MTSS1: variants seen among roughly 807,000 people sequenced by gnomAD.
The protein encoded by MTSS1 is protein MTSS 1.
MTSS1 carries 18 observed loss-of-function variants against 79.0 expected under a neutral mutation model. That is an observed-to-expected ratio of 0.23 (90% CI 0.16 to 0.34). The LOEUF is 0.34. Among genes scored for constraint, MTSS1 ranks in the 10% least tolerant of loss-of-function variants. The pLI is 1.00. For missense variants in MTSS1, 815 were observed against 986.2 expected (o/e 0.83, Z 2.33); for synonymous variants, 341 against 368.6 (o/e 0.93, Z 0.86).
At position 124,565,665 on chromosome 8, in the gene MTSS1, C is replaced by T. The variant is rs1239762171; in HGVS notation, c.821G>A (p.Cys274Tyr). Residue 274 changes from cysteine (C) to tyrosine (Y), a missense_variant, in exon 9 of 14, where the codon TGC becomes TAC. By Grantham distance (194) the Cys-to-Tyr change is radical. Coordinates refer to ENST00000518547, the MANE Select transcript of MTSS1 (RefSeq NM_014751.6). ...AGTGGACCCCGGCTTCACTCACCTG[C>T]AGACACTGGACTTTCTGGACATGGT... is the stretch of plus-strand genomic sequence containing the variant. ...STTMSRKSSV[C>Y]SSLNSVNSSD... The T allele has an allele frequency of 1.2e-6, 2 of 1,613,646 alleles. No homozygotes were observed. Among genetic ancestry groups the T allele is most frequent in the Admixed American group, 1.7e-5 (1 of 60,028 alleles).
At chr8:124,622,116 GC>G (rs1813678403) in intron 3 of MTSS1, among the ~76,000 whole-genome samples, 1 of 151,738 alleles carries the variant, frequency 6.6e-6, no homozygotes, top group African/African-American at 2.4e-5. Context: ...ATATTTTTCA[GC>G]CTTAAAAAAG....
chr8:124,607,771 C>T (rs1269307775), intron 3 of MTSS1, among the ~76,000 whole-genome samples: 7 of 152,282 alleles, frequency 4.6e-5, no homozygotes, highest in Admixed American at 3.3e-4. Context: ...CTCTTTACTG[C>T]TCAGGCTAAC....
intron 3 of MTSS1, among the ~76,000 whole-genome samples, chr8:124,616,815 G>A (rs961417177): frequency 6.6e-6 from 1 of 152,190 alleles, no homozygotes; most frequent in Non-Finnish European, 1.5e-5. Context: ...TGAGACTGAC[G>A]TGCTACCTAC....
At chr8:124,579,123 C>A (rs1829554688) in intron 6 of MTSS1, among the ~76,000 whole-genome samples, 1 of 152,104 alleles carries the variant, frequency 6.6e-6, no homozygotes, top group South Asian at 2.1e-4. Context: ...TATACAGTTT[C>A]TTTATTCATT....
intron 3 of MTSS1, among the ~76,000 whole-genome samples, chr8:124,647,374 T>C (rs1217228528): frequency 2.6e-5 from 4 of 152,230 alleles, no homozygotes; most frequent in African/African-American, 9.6e-5. Flanking sequence ...ATTAAAATTG[T>C]TATGTGTTAA....
intron 6 of MTSS1, among the ~76,000 whole-genome samples, chr8:124,574,998 T>G (rs2132279569): frequency 6.6e-6 from 1 of 152,224 alleles, no homozygotes; most frequent in Non-Finnish European, 1.5e-5. Context: ...CTTAGTGGTC[T>G]GGAAAATAAT....
rs72714757 is a variant in MTSS1, at chr8:124,678,546, G to A, written c.208+20980C>T. Among the ~76,000 whole-genome samples, 1,350 of 152,310 alleles carry A rather than the reference G, an allele frequency of 8.9e-3. 12 individuals carry two copies. Among genetic ancestry groups the A allele is most frequent in the Non-Finnish European group, 0.014 (979 of 68,034 alleles). ...CTTACATGGCGGCAGGCAAAAGAGC[G>A]TGTACAGAGGAACTGCCCTTTATCA... On this transcript the variant is annotated intron_variant, in intron 3 of 13. Transcript: ENST00000518547.
chr8:124,630,068 T>C (rs1464848038), intron 3 of MTSS1, among the ~76,000 whole-genome samples: 1 of 152,206 alleles, frequency 6.6e-6, no homozygotes, highest in African/African-American at 2.4e-5. Flanking sequence ...GGAATATAAT[T>C]CATCTTGTAA....
rs80129973 is a variant in MTSS1, at chr8:124,659,323, G to A, written c.208+40203C>T. On this transcript the variant is annotated intron_variant, in intron 3 of 13. Coordinates refer to ENST00000518547, the MANE Select transcript of MTSS1 (RefSeq NM_014751.6). ...AACAGTTCACATTCTGTGTATCTGAGAATTTATAGTTTATTAAGTTTTTCT... is the reference window on the plus strand; with the variant it reads ...AACAGTTCACATTCTGTGTATCTGAAAATTTATAGTTTATTAAGTTTTTCT... 3.8e-3 allele frequency among the ~76,000 whole-genome samples: 581 copies of A among 152,218 alleles called. 7 individuals carry two copies. Among genetic ancestry groups the A allele is most frequent in the African/African-American group, 0.013 (543 of 41,516 alleles).
chr8:124,593,203 C>A (rs547903294), intron 3 of MTSS1, among the ~76,000 whole-genome samples: 1 of 152,284 alleles, frequency 6.6e-6, no homozygotes, highest in African/African-American at 2.4e-5. Context: ...AGACGAGGAA[C>A]GTTTTATTCC....
At chr8:124,671,399 C>T (rs1386763509) in intron 3 of MTSS1, among the ~76,000 whole-genome samples, 1 of 152,162 alleles carries the variant, frequency 6.6e-6, no homozygotes, top group Non-Finnish European at 1.5e-5. Flanking sequence ...GACTGTCCTC[C>T]CTCTTTCCAC....
intron 1 of MTSS1, among the ~76,000 whole-genome samples, chr8:124,704,715 C>T (rs1830160058): frequency 6.6e-6 from 1 of 152,214 alleles, no homozygotes; most frequent in African/African-American, 2.4e-5. Flanking sequence ...GACAGTATAG[C>T]AACAGGTGGT....
At chr8:124,675,480 ATG>A (rs1037420795) in intron 3 of MTSS1, among the ~76,000 whole-genome samples, 1 of 152,272 alleles carries the variant, frequency 6.6e-6, no homozygotes, top group Non-Finnish European at 1.5e-5. Flanking sequence ...CAGATTATGC[ATG>A]TGTGTGTTTT....
intron 1 of MTSS1, among the ~76,000 whole-genome samples, chr8:124,714,881 G>A (rs1358931384): frequency 6.6e-6 from 1 of 152,182 alleles, no homozygotes; most frequent in Non-Finnish European, 1.5e-5. Context: ...GGGGCTGGCT[G>A]CTTTTACCTA....
At chr8:124,673,038 C>G (rs931103616) in intron 3 of MTSS1, among the ~76,000 whole-genome samples, 2 of 152,062 alleles carry the variant, frequency 1.3e-5, no homozygotes, top group African/African-American at 4.8e-5. Flanking sequence ...CAGGGTAACC[C>G]CAAGCTTGCA....
At chr8:124,653,101 A>G (rs1820302597) in intron 3 of MTSS1, among the ~76,000 whole-genome samples, 1 of 152,228 alleles carries the variant, frequency 6.6e-6, no homozygotes, top group South Asian at 2.1e-4. Flanking sequence ...TTGGCCTGGA[A>G]TGCCCGGATG....
At chr8:124,704,053 CT>C in intron 2 of MTSS1, 76 bp downstream of exon 2, 1 of 1,315,204 alleles carries the variant, frequency 7.6e-7, no homozygotes, top group Non-Finnish European at 1.1e-6. Flanking sequence ...CCTAATCAAT[CT>C]GCATTTTGGT....
In MTSS1 at chr8:124,655,136, C is replaced by T. The variant is rs59826144; in HGVS notation, c.208+44390G>A. ...GATGTACAGATGAGAGTTTTGATAA[C>T]TGCAGATGCCCTGTGGCTGCAACTG... On this transcript the variant is annotated intron_variant, in intron 3 of 13. Transcript: ENST00000518547. Among the ~76,000 whole-genome samples, 271 of 152,346 alleles carry T rather than the reference C, an allele frequency of 1.8e-3. 1 individual carries two copies. The highest frequency in any genetic ancestry group is 6.3e-3 in the African/African-American group (262 of 41,574).
At chr8:124,721,882 C>T (rs1832995999) in intron 1 of MTSS1, among the ~76,000 whole-genome samples, 1 of 152,186 alleles carries the variant, frequency 6.6e-6, no homozygotes, top group African/African-American at 2.4e-5. Context: ...GCTCTGTAAC[C>T]ACACGCATGC....
Sources: gnomAD v4.1 joint callset for allele counts (sites outside exome capture counted in the v4.1 genomes callset) on GRCh38, gnomAD v4.1.1 for gene constraint, MANE v1.5 for transcripts, NCBI Gene and HGNC (gene_info 2026-07-23, HGNC 2026-07-21) for gene names.